MOB3B: variants seen among roughly 807,000 people sequenced by gnomAD.
MOB3B encodes the protein MOB kinase activator 3B.
MOB3B carries 7 observed loss-of-function variants against 18.7 expected under a neutral mutation model. That is an observed-to-expected ratio of 0.37 (90% CI 0.21 to 0.70). The LOEUF (loss-of-function observed/expected upper bound fraction) is 0.70, where lower values mean the gene tolerates loss of function less well. Among genes scored for constraint, MOB3B ranks in the 30% least tolerant of loss-of-function variants. The pLI is 0.52. For missense variants in MOB3B, 253 were observed against 281.3 expected (o/e 0.90, Z 0.72); for synonymous variants, 111 against 99.9 (o/e 1.11, Z -0.66).
intron 1 of MOB3B, chr9:27,524,965 T>C (rs1288078660): frequency 1.3e-6 from 2 of 1,558,740 alleles, no homozygotes; most frequent in Non-Finnish European, 1.7e-6. Flanking sequence ...AAATAAGGTA[T>C]ATTTTTGGAA....
rs577624234 is a variant in MOB3B, at chr9:27,404,293, T to A, written c.419-45057A>T. 2.0e-5 allele frequency among the ~76,000 whole-genome samples: 3 copies of A among 151,948 alleles called. No homozygotes were observed. In the South Asian group the frequency reaches 6.2e-4, roughly 32 times the overall value. ...ATTCTTTTATATGGCTGAATAATATTCCATTGTGCATATAAACCACATTTT... is the reference window on the plus strand; with the variant it reads ...ATTCTTTTATATGGCTGAATAATATACCATTGTGCATATAAACCACATTTT... On this transcript the variant is annotated intron_variant, in intron 2 of 3. Coordinates refer to ENST00000262244, the MANE Select transcript of MOB3B (RefSeq NM_024761.5).
At chr9:27,516,748 C>T (rs1371507897) in intron 1 of MOB3B, among the ~76,000 whole-genome samples, 1 of 152,172 alleles carries the variant, frequency 6.6e-6, no homozygotes, top group Non-Finnish European at 1.5e-5. Flanking sequence ...ATTCCATTCC[C>T]CATATATTCT....
rs2131327120 is a variant in MOB3B at position 27,329,423 on chromosome 9, T to G, written c.*1164A>C. On this transcript the variant is annotated 3_prime_UTR_variant, in exon 4 of 4. Coordinates refer to ENST00000262244, the MANE Select transcript of MOB3B (RefSeq NM_024761.5). ...GAAAGGATGAAAGAAGGAAGTTAGC[T>G]CCAGCTCCACTGTTACCTTGGCAAC... The G allele has an allele frequency of 6.6e-6, 1 of 152,286 alleles. No homozygotes were observed. 9.4% of individuals were successfully genotyped at this position (152,286 alleles called of 1,614,324 possible).
At position 27,335,642 on chromosome 9, in the gene MOB3B, C is replaced by T. The variant is rs1257836465; in HGVS notation, c.622-5026G>A. On this transcript the variant is annotated intron_variant, in intron 3 of 3. Coordinates refer to ENST00000262244, the MANE Select transcript of MOB3B (RefSeq NM_024761.5). ...ATCGGTGGCCGACGCTCCTTCTCTCCCATGGAACACACAACGATTTCCATA... is the reference window on the plus strand; with the variant it reads ...ATCGGTGGCCGACGCTCCTTCTCTCTCATGGAACACACAACGATTTCCATA... 4.6e-5 allele frequency among the ~76,000 whole-genome samples: 7 copies of T among 152,256 alleles called. No homozygotes were observed. In the East Asian group the frequency reaches 7.7e-4, roughly 17 times the overall value.
At chr9:27,357,886 T>TCCAAA (rs1563849115) in intron 3 of MOB3B, among the ~76,000 whole-genome samples, 2 of 25,292 alleles carry the variant, frequency 7.9e-5, no homozygotes, top group African/African-American at 2.9e-4. Flanking sequence ...ATCCCATCGC[T>TCCAAA]ACAAAAAAAA....
chr9:27,392,375 T>C (rs893118001), intron 2 of MOB3B, among the ~76,000 whole-genome samples: 2 of 152,128 alleles, frequency 1.3e-5, no homozygotes, highest in African/African-American at 4.8e-5. Context: ...CTGCAAATAT[T>C]TGGAGGAAAG....
chr9:27,340,977 C>T (rs889577895), intron 3 of MOB3B, among the ~76,000 whole-genome samples: 4 of 152,218 alleles, frequency 2.6e-5, no homozygotes, highest in Non-Finnish European at 4.4e-5. Flanking sequence ...ACTGAGTGCA[C>T]CCACCCGCTT....
chr9:27,420,512 A>G (rs931090294), intron 2 of MOB3B, among the ~76,000 whole-genome samples: 2 of 132,346 alleles, frequency 1.5e-5, no homozygotes, highest in Non-Finnish European at 3.1e-5. Context: ...TATATATTCC[A>G]TCTATATTCC....
intron 2 of MOB3B, among the ~76,000 whole-genome samples, chr9:27,365,914 C>A (rs771259389): frequency 6.6e-6 from 1 of 152,302 alleles, no homozygotes; most frequent in Non-Finnish European, 1.5e-5. Context: ...TGGAGTGCGC[C>A]GAGGCAACAT....
rs543643558 is a variant in MOB3B at position 27,449,995 on chromosome 9, A to C, written c.418+5138T>G. On this transcript the variant is annotated intron_variant, in intron 2 of 3. Transcript: ENST00000262244. ...TCTGTCTCAAAAATTAAAAAAAAAA[A>C]AAAAAAAACTTAAAATGTAAAGGCC... 5.9e-5 allele frequency among the ~76,000 whole-genome samples: 9 copies of C among 151,996 alleles called. No individual in the cohort carries two copies. The East Asian group carries it at 9.7e-4, about 16-fold the overall frequency.
chr9:27,467,957 T>A (rs1764575097), intron 1 of MOB3B, among the ~76,000 whole-genome samples: 1 of 152,236 alleles, frequency 6.6e-6, no homozygotes, highest in Non-Finnish European at 1.5e-5. Flanking sequence ...GGAAGAGTGG[T>A]GTGACTTGTT....
rs1820730069 is a variant in MOB3B, at chr9:27,327,539, T to C, written c.*3048A>G. The C allele has an allele frequency of 6.6e-6, 1 of 151,780 alleles. No homozygotes were observed. Among genetic ancestry groups the C allele is most frequent in the Non-Finnish European group, 1.5e-5 (1 of 67,978 alleles). 9.4% of individuals were successfully genotyped at this position (151,780 alleles called of 1,614,324 possible). On this transcript the variant is annotated 3_prime_UTR_variant, in exon 4 of 4. Transcript: ENST00000262244. ...GAACTCTTTAATAATGTCAGTGTCA[T>C]GAAAGACACACCACACACACACACA...
chr9:27,395,033 C>T (rs1001033855), intron 2 of MOB3B, among the ~76,000 whole-genome samples: 1 of 152,170 alleles, frequency 6.6e-6, no homozygotes, highest in Non-Finnish European at 1.5e-5. Flanking sequence ...GAGACAATAA[C>T]ATTCTTATCT....
At chr9:27,464,014 T>C (rs1819336786) in intron 1 of MOB3B, among the ~76,000 whole-genome samples, 1 of 152,174 alleles carries the variant, frequency 6.6e-6, no homozygotes, top group Non-Finnish European at 1.5e-5. Context: ...CTTACCTTTA[T>C]TGTAAGGTTA....
chr9:27,434,418 T>G (rs902560057), intron 2 of MOB3B, among the ~76,000 whole-genome samples: 3 of 152,026 alleles, frequency 2.0e-5, no homozygotes, highest in African/African-American at 7.3e-5. Flanking sequence ...AAATGTGGTG[T>G]GCCTCAAAGC....
intron 1 of MOB3B, chr9:27,524,227 G>A (rs977233877): frequency 4.0e-6 from 4 of 991,450 alleles, no homozygotes; most frequent in East Asian, 3.7e-5. Context: ...AATGACGAAT[G>A]AGAAAACTCC....
intron 2 of MOB3B, among the ~76,000 whole-genome samples, chr9:27,370,643 C>T (rs1373391232): frequency 6.6e-6 from 1 of 152,186 alleles, no homozygotes; most frequent in Non-Finnish European, 1.5e-5. Context: ...CTGTCAGTGC[C>T]TTGATCTTGG....
chr9:27,525,253 T>G (rs1820418641), intron 1 of MOB3B, among the ~76,000 whole-genome samples: 1 of 152,216 alleles, frequency 6.6e-6, no homozygotes, highest in African/African-American at 2.4e-5. Flanking sequence ...TGAAAGAGCT[T>G]TGCTATATAT....
intron 1 of MOB3B, among the ~76,000 whole-genome samples, chr9:27,517,313 T>C (rs954127776): frequency 6.6e-6 from 1 of 152,172 alleles, no homozygotes; most frequent in Non-Finnish European, 1.5e-5. Context: ...ATAACTATCA[T>C]TTATTGTCCA....
Sources: allele counts gnomAD v4.1 joint callset (sites outside exome capture counted in the v4.1 genomes callset), GRCh38; gene constraint gnomAD v4.1.1; transcripts MANE v1.5; gene names NCBI Gene and HGNC (gene_info 2026-07-23, HGNC 2026-07-21).